Variants in SGTA observed in about 807,000 individuals in gnomAD.
The protein encoded by SGTA is small glutamine rich tetratricopeptide repeat co-chaperone alpha.
In SGTA, 22 loss-of-function variants were observed where a neutral mutation model predicts 44.3. The ratio of observed to expected loss-of-function variants is 0.50; its 90% CI spans 0.36 to 0.71. SGTA has a LOEUF of 0.71. Ranked by LOEUF, SGTA falls within the 30% of genes least tolerant of loss-of-function variation. The probability of loss-of-function intolerance (pLI) is 0.00; values close to 1 mark genes in which losing one functional copy is unlikely to be tolerated. For missense variants in SGTA, 341 were observed against 435.9 expected (o/e 0.78, Z 1.94); for synonymous variants, 174 against 177.6 (o/e 0.98, Z 0.16).
Position 2,765,720 on chromosome 19 carries a change from G to A in SGTA, c.293-435C>T, listed in dbSNP as rs192821795. Among the ~76,000 whole-genome samples the A allele has an allele frequency of 3.0e-4, 45 of 152,198 alleles. No homozygotes were observed. The highest frequency in any genetic ancestry group is 1.1e-3 in the African/African-American group (45 of 41,502). ...ATACCTTCTCATTTCATAGGCAATGGGGCTTCTATCTGAGGCATGGGTCCC... is the reference window on the plus strand; with the variant it reads ...ATACCTTCTCATTTCATAGGCAATGAGGCTTCTATCTGAGGCATGGGTCCC... On this transcript the variant is annotated intron_variant, in intron 4 of 11. Coordinates refer to ENST00000221566, the MANE Select transcript of SGTA (RefSeq NM_003021.4). The surrounding 1 kb of genome is among the most constrained non-coding windows in gnomAD (Gnocchi z 5.5).
chr19:2,774,199 C>A (rs138170369), intron 1 of SGTA, among the ~76,000 whole-genome samples: 1 of 152,230 alleles, frequency 6.6e-6, no homozygotes, highest in East Asian at 1.9e-4. Flanking sequence ...CATCTCAGGA[C>A]GCACCTCAGT....
At chr19:2,759,928 C>T (rs1273725397) in intron 8 of SGTA, among the ~76,000 whole-genome samples, 2 of 152,018 alleles carry the variant, frequency 1.3e-5, no homozygotes, top group Non-Finnish European at 2.9e-5. Context: ...CCGCTGCACT[C>T]CAGCCTGGGT....
chr19:2,771,605 C>T (rs547120083), intron 1 of SGTA, among the ~76,000 whole-genome samples: 41 of 145,690 alleles, frequency 2.8e-4, no homozygotes, highest in Non-Finnish European at 5.4e-4. Context: ...CGAGACCAGG[C>T]GTGCACAACG....
rs893864524 is a variant in SGTA at position 2,761,448 on chromosome 19, G to A, written c.699+12C>T. On this transcript the variant is annotated intron_variant, in intron 8 of 11. Coordinates refer to ENST00000221566, the MANE Select transcript of SGTA (RefSeq NM_003021.4). The surrounding 1 kb of genome is among the most constrained non-coding windows in gnomAD (Gnocchi z 5.7). ...CAGACACCATGGACAGGGAGGAGGG[G>A]CGGGCCGTTACCATGCTCATGAAGC... 4.5e-6 allele frequency: 7 copies of A among 1,550,568 alleles called. No individual in the cohort carries two copies. The highest frequency in any genetic ancestry group is 1.4e-5 in the African/African-American group (1 of 72,996).
At chr19:2,769,841 TCCTGGTTCCCCCAGCGGACACCAG>T (rs1323636886) in intron 1 of SGTA, among the ~76,000 whole-genome samples, 3 of 62,324 alleles carry the variant, frequency 4.8e-5, no homozygotes, top group East Asian at 4.5e-4. Context: ...GCGGACACCC[TCCTGGTTCCCCCAGCGGACACCAG>T]CCTGGTTCCC....
rs1456538349 is a variant in SGTA at position 2,767,869 on chromosome 19, GAA to G, written c.101-185_101-184del. Among the ~76,000 whole-genome samples, 2 of 152,182 alleles carry G rather than the reference GAA, an allele frequency of 1.3e-5. No homozygotes were observed. The highest frequency in any genetic ancestry group is 2.4e-5 in the African/African-American group (1 of 41,450). ...AGTGGACCCTCTTCCTTCCCGAAAA[GAA>G]AAGCCAGACAGAGACGCCCCGTGCC... On this transcript the variant is annotated intron_variant, in intron 2 of 11. Transcript: ENST00000221566. The surrounding 1 kb of genome is among the most constrained non-coding windows in gnomAD (Gnocchi z 7.3).
At chr19:2,781,731 C>T (rs1444001467) in intron 1 of SGTA, among the ~76,000 whole-genome samples, 1 of 152,138 alleles carries the variant, frequency 6.6e-6, no homozygotes, top group African/African-American at 2.4e-5. Flanking sequence ...CTCCAAAGTA[C>T]CCATTTCTCT....
In SGTA at chr19:2,767,198, C is replaced by T. The variant is rs781122901; in HGVS notation, c.230G>A (p.Ser77Asn). 6.2e-7 allele frequency: 1 copy of T among 1,611,646 alleles called. No individual in the cohort carries two copies. Among genetic ancestry groups the T allele is most frequent in the African/African-American group, 1.3e-5 (1 of 75,006 alleles). Reference protein sequence around the residue: ...TGKEMPQDLRSPARTPPSEED... With the variant: ...TGKEMPQDLRNPARTPPSEED... ...CTCGGAAGGCGGGGTTCGCGCGGGG[C>T]TCCTCAGGTCCTGCGGCATCTCCTG... Residue 77 changes from serine (S) to asparagine (N), a missense_variant, in exon 4 of 12, where the codon AGC becomes AAC. Coordinates refer to ENST00000221566, the MANE Select transcript of SGTA (RefSeq NM_003021.4). The surrounding 1 kb of genome is among the most constrained non-coding windows in gnomAD (Gnocchi z 7.3).
chr19:2,777,664 G>A (rs4807330), intron 1 of SGTA: 33,758 of 152,040 alleles, frequency 0.22, 4,095 homozygotes, highest in East Asian at 0.51. Context: ...CATTGGAAAT[G>A]ATTCTGTAAC....
rs1228341368 is a variant in SGTA, at chr19:2,767,755, G to A, written c.101-69C>T. 15 of 1,227,882 alleles carry A rather than the reference G, an allele frequency of 1.2e-5. No homozygotes were observed. Among genetic ancestry groups the A allele is most frequent in the Non-Finnish European group, 1.7e-5 (14 of 836,374 alleles). 76.1% of individuals were successfully genotyped at this position (1,227,882 alleles called of 1,614,324 possible). A position where few individuals can be genotyped will look rare whatever the true frequency, so the allele number is the denominator to read the frequency against. The stretch of plus-strand genomic sequence containing the variant: ...CGAGGTTACGTTTTTGGGTCTAGAG[G>A]GCGGGGTTGGTGCTCATGCTTCCCC... On this transcript the variant is annotated intron_variant, in intron 2 of 11. Coordinates refer to ENST00000221566, the MANE Select transcript of SGTA (RefSeq NM_003021.4). This position sits in a 1 kb window ranked among gnomAD's most constrained non-coding sequence, Gnocchi z 7.3.
chr19:2,766,195 GAC>G (rs1180216590), intron 4 of SGTA, among the ~76,000 whole-genome samples: 1 of 151,904 alleles, frequency 6.6e-6, no homozygotes, highest in Non-Finnish European at 1.5e-5. Flanking sequence ...CAGCCTGGGC[GAC>G]AGAGCGAGAC....
At chr19:2,758,345 A>G (rs28697982) in intron 9 of SGTA, among the ~76,000 whole-genome samples, 3,062 of 152,248 alleles carry the variant, frequency 0.02, 105 homozygotes, top group African/African-American at 0.07. Context: ...CCTGGCCAAC[A>G]TGGTGAAACC....
intron 1 of SGTA, among the ~76,000 whole-genome samples, chr19:2,780,893 T>C (rs1009059562): frequency 1.3e-5 from 2 of 152,160 alleles, no homozygotes; most frequent in African/African-American, 4.8e-5. Context: ...GAGACCAGCC[T>C]GGGCAACACA....
Position 2,755,599 on chromosome 19 carries a change from C to A in SGTA, c.*341G>T. 4 of 985,174 alleles carry A rather than the reference C, an allele frequency of 4.1e-6. 1 individual carries two copies. In the South Asian group the frequency reaches 1.4e-4, roughly 35 times the overall value. The allele number at this position is 985,174 out of a possible 1,614,324, so 61.0% of individuals were successfully genotyped here. A position where few individuals can be genotyped will look rare whatever the true frequency, so the allele number is the denominator to read the frequency against. On this transcript the variant is annotated 3_prime_UTR_variant, in exon 12 of 12. Transcript: ENST00000221566. This position sits in a 1 kb window ranked among gnomAD's most constrained non-coding sequence, Gnocchi z 5.2. ...CCACACGATCCGCCACACGGCTGAACGTGAAACCTGCCACTTCTCTGAGAG... is the reference window on the plus strand; with the variant it reads ...CCACACGATCCGCCACACGGCTGAAAGTGAAACCTGCCACTTCTCTGAGAG...
chr19:2,764,163 C>T (rs1156918172), intron 5 of SGTA, among the ~76,000 whole-genome samples: 1 of 152,198 alleles, frequency 6.6e-6, no homozygotes, highest in Non-Finnish European at 1.5e-5. Context: ...TCACCATTTT[C>T]GTGTTTAGTG....
At chr19:2,775,139 G>A (rs181756362) in intron 1 of SGTA, among the ~76,000 whole-genome samples, 10 of 152,348 alleles carry the variant, frequency 6.6e-5, no homozygotes, top group African/African-American at 1.2e-4. Flanking sequence ...TCATGACCTC[G>A]GCGCAGTGAC....
intron 9 of SGTA, among the ~76,000 whole-genome samples, chr19:2,758,409 A>T (rs544409832): frequency 2.0e-5 from 3 of 152,146 alleles, no homozygotes; most frequent in African/African-American, 7.2e-5. Context: ...GATGCCTGTA[A>T]TTCCAGCTAC....
chr19:2,755,326 G>A lies in SGTA; in HGVS notation c.*614C>T, dbSNP rs1465958268. 1.2e-6 allele frequency: 1 copy of A among 851,568 alleles called. No individual in the cohort carries two copies. Among genetic ancestry groups the A allele is most frequent in the Non-Finnish European group, 1.4e-6 (1 of 705,610 alleles). 52.8% of individuals were successfully genotyped at this position (851,568 alleles called of 1,614,324 possible). The stretch of plus-strand genomic sequence containing the variant: ...ACAGAAACTGGTCCTATGCACCCAG[G>A]ACGGCTCCTGAGCCGCGGAGGCGTG... On this transcript the variant is annotated 3_prime_UTR_variant, in exon 12 of 12. Coordinates refer to ENST00000221566, the MANE Select transcript of SGTA (RefSeq NM_003021.4). The surrounding 1 kb of genome is among the most constrained non-coding windows in gnomAD (Gnocchi z 5.2).
At chr19:2,764,201 A>T (rs1455325860) in intron 5 of SGTA, among the ~76,000 whole-genome samples, 1 of 152,198 alleles carries the variant, frequency 6.6e-6, no homozygotes, top group Non-Finnish European at 1.5e-5. Context: ...TTCAAAGTAC[A>T]GAGAAGAGTG....
Sources: gnomAD v4.1 joint callset for allele counts (sites outside exome capture counted in the v4.1 genomes callset) on GRCh38, gnomAD v4.1.1 for gene constraint, Gnocchi (gnomAD v3.1) non-coding constraint, MANE v1.5 for transcripts, NCBI Gene and HGNC (gene_info 2026-07-23, HGNC 2026-07-21) for gene names.